Variants in SEMA3G observed in about 807,000 individuals in gnomAD.
SEMA3G encodes semaphorin-3G.
A neutral mutation model predicts 86.2 loss-of-function variants in SEMA3G; 70 were observed. The observed-to-expected ratio is 0.81, with a 90% CI of 0.67 to 0.99. The LOEUF (loss-of-function observed/expected upper bound fraction) is 0.99, where lower values mean the gene tolerates loss of function less well. Ranked by LOEUF, SEMA3G falls within the 50% of genes least tolerant of loss-of-function variation. SEMA3G has a pLI of 0.00. For missense variants in SEMA3G, 1,002 were observed against 1,072.4 expected (o/e 0.93, Z 0.92); for synonymous variants, 416 against 441.4 (o/e 0.94, Z 0.72).
chr3:52,437,944 T>G (rs1260623712), intron 14 of SEMA3G, 27 bp downstream of exon 14: 1 of 1,595,718 alleles, frequency 6.3e-7, no homozygotes, highest in Non-Finnish European at 8.6e-7. Flanking sequence ...CAGCCCAGTC[T>G]GGGCCCTCCC....
chr3:52,438,463 C>A (rs1706089222), intron 13 of SEMA3G: 1 of 985,360 alleles, frequency 1.0e-6, no homozygotes, highest in Non-Finnish European at 1.2e-6. Flanking sequence ...AGGTGCTGAC[C>A]TTTGCCCTCT....
rs1366550239 is a variant in SEMA3G at position 52,442,084 on chromosome 3, C to T, written c.459+101G>A. 1.4e-6 allele frequency: 2 copies of T among 1,480,324 alleles called. No individual in the cohort carries two copies. Among genetic ancestry groups the T allele is most frequent in the Admixed American group, 2.2e-5 (1 of 46,154 alleles). The allele number at this position is 1,480,324 out of a possible 1,614,324, so 91.7% of individuals were successfully genotyped here. On this transcript the variant is annotated intron_variant, in intron 4 of 15. Transcript: ENST00000231721. The surrounding 1 kb of genome is among the most constrained non-coding windows in gnomAD (Gnocchi z 6.1). ...CCAACACAAAGGCGCCTTTCAGGCC[C>T]CTGCCCCTCTGTCCCTACCCAGGCT...
chr3:52,442,504 T>C lies in SEMA3G; in HGVS notation c.339+55A>G. 2.5e-6 allele frequency: 4 copies of C among 1,595,576 alleles called. No individual in the cohort carries two copies. Among genetic ancestry groups the C allele is most frequent in the Non-Finnish European group, 3.4e-6 (4 of 1,163,656 alleles). ...CCTGGGGCGTGGTCACGGATTGTCC[T>C]GGGGGTCAGGGCAGGGTGTCAGGTC... On this transcript the variant is annotated intron_variant, in intron 3 of 15. Coordinates refer to ENST00000231721, the MANE Select transcript of SEMA3G (RefSeq NM_020163.3). This position sits in a 1 kb window ranked among gnomAD's most constrained non-coding sequence, Gnocchi z 6.1.
chr3:52,444,949 C>T lies in SEMA3G; in HGVS notation c.79G>A (p.Gly27Ser), dbSNP rs549971425. The T allele has an allele frequency of 1.7e-5, 22 of 1,301,862 alleles. No individual in the cohort carries two copies. Among genetic ancestry groups the T allele is most frequent in the Middle Eastern group, 2.9e-4 (1 of 3,420 alleles). 80.6% of individuals were successfully genotyped at this position (1,301,862 alleles called of 1,614,324 possible). The change falls in exon 1 of 16, where the codon GGC becomes AGC. Residue 27 changes from glycine to serine, a missense_variant. Transcript: ENST00000231721. ...AGCCGCAGGCGGGGCACACTGGGGCCGGGGCTGGGGCCAGAGCTACCCCCA... is the reference window on the plus strand; with the variant it reads ...AGCCGCAGGCGGGGCACACTGGGGCTGGGGCTGGGGCCAGAGCTACCCCCA... Reference protein sequence around the residue: ...LHGGSSGPSPGPSVPRLRLSY... With the variant: ...LHGGSSGPSPSPSVPRLRLSY...
chr3:52,440,487 G>C lies in SEMA3G; in HGVS notation c.1033C>G (p.His345Asp), dbSNP rs1278140060. The change falls in exon 10 of 16, where the codon CAC (histidine) becomes GAC (aspartate). Residue 345 changes from histidine (H) to aspartate (D), a missense_variant. By Grantham distance (81) the His-to-Asp change is moderately conservative (BLOSUM62 -1). Coordinates refer to ENST00000231721, the MANE Select transcript of SEMA3G (RefSeq NM_020163.3). Reference sequence around the variant, plus strand: ...AAAACCTCCCAGATGTCTGCCATGTGGTACACACAGACGGCGAAGCCCTGG... The same window carrying C: ...AAAACCTCCCAGATGTCTGCCATGTCGTACACACAGACGGCGAAGCCCTGG... ...VFQGFAVCVY[H>D]MADIWEVFNG... 3.1e-6 allele frequency: 5 copies of C among 1,611,862 alleles called. No individual in the cohort carries two copies. The highest frequency in any genetic ancestry group is 1.7e-4 in the Middle Eastern group (1 of 6,058).
Position 52,440,490 on chromosome 3 carries a change from A to G in SEMA3G, c.1030T>C (p.Tyr344His). Residue 344 changes from tyrosine to histidine, a missense_variant, in exon 10 of 16, where the codon TAC (tyrosine) becomes CAC (histidine). By Grantham distance (83) the Tyr-to-His change is moderately conservative. Coordinates refer to ENST00000231721, the MANE Select transcript of SEMA3G (RefSeq NM_020163.3). ...AVFQGFAVCV[Y>H]HMADIWEVFN... ...ACCTCCCAGATGTCTGCCATGTGGT[A>G]CACACAGACGGCGAAGCCCTGGAAC... 1 of 1,611,884 alleles carries G rather than the reference A, an allele frequency of 6.2e-7. No individual in the cohort carries two copies. Among genetic ancestry groups the G allele is most frequent in the Non-Finnish European group, 8.5e-7 (1 of 1,179,534 alleles).
intron 7 of SEMA3G, 92 bp from the exon 8 acceptor site, chr3:52,441,140 T>G: frequency 6.8e-7 from 1 of 1,472,000 alleles, no homozygotes; most frequent in Non-Finnish European, 9.2e-7. Context: ...GGGAGAGGTA[T>G]GCATGTCAGC....
chr3:52,437,936 GC>G, intron 14 of SEMA3G, 34 bp downstream of exon 14: 1 of 1,577,686 alleles, frequency 6.3e-7, no homozygotes, highest in South Asian at 1.1e-5. Context: ...GTGAGTTCCA[GC>G]CCAGTCTGGG....
Position 52,439,712 on chromosome 3 carries a change from C to T in SEMA3G, c.1435G>A (p.Glu479Lys), listed in dbSNP as rs201671398. The change falls in exon 12 of 16, where the codon GAA (glutamate) becomes AAA (lysine). Residue 479 changes from glutamate to lysine, a missense_variant. Coordinates refer to ENST00000231721, the MANE Select transcript of SEMA3G (RefSeq NM_020163.3). Reference sequence around the variant, plus strand: ...ACCTGGAGCTCCTCCAGAACCACTTCCTCAGGTTCAGCTGAGCCCCCTGCC... The same window carrying T: ...ACCTGGAGCTCCTCCAGAACCACTTTCTCAGGTTCAGCTGAGCCCCCTGCC... ...LQAGGSAEPE[E>K]VVLEELQVFK... 776 of 1,613,948 alleles carry T rather than the reference C, an allele frequency of 4.8e-4. 1 individual carries two copies. Among genetic ancestry groups the T allele is most frequent in the Non-Finnish European group, 6.3e-4 (741 of 1,180,030 alleles).
intron 13 of SEMA3G, chr3:52,438,543 C>T (rs541542896): frequency 3.0e-6 from 3 of 985,436 alleles, no homozygotes; most frequent in East Asian, 1.1e-4. Flanking sequence ...AACCCTTGCA[C>T]GAAAGTTAGG....
Position 52,442,709 on chromosome 3 carries a change from T to TTCTCAAA in SEMA3G, c.276+31_276+37dup. ...TGGCCTCCCATCTGGAGGTGCCCAG[T>TTCTCAAA]TCTCAAACAGACCCTCTTCCCTGCC... On this transcript the variant is annotated intron_variant, in intron 2 of 15. Coordinates refer to ENST00000231721, the MANE Select transcript of SEMA3G (RefSeq NM_020163.3). This position sits in a 1 kb window ranked among gnomAD's most constrained non-coding sequence, Gnocchi z 6.1. The TTCTCAAA allele has an allele frequency of 6.2e-7, 1 of 1,613,682 alleles. No individual in the cohort carries two copies. Among genetic ancestry groups the TTCTCAAA allele is most frequent in the East Asian group, 2.2e-5 (1 of 44,868 alleles).
At chr3:52,440,297 G>T in intron 10 of SEMA3G, 80 bp downstream of exon 10, 1 of 1,444,838 alleles carries the variant, frequency 6.9e-7, no homozygotes, top group Non-Finnish European at 9.2e-7. Context: ...GGTGCATGGG[G>T]ACATGAGGCC....
rs1706137823 is a variant in SEMA3G, at chr3:52,440,786, G to A, written c.966C>T (p.Ser322=). The A allele has an allele frequency of 6.2e-7, 1 of 1,612,896 alleles. No homozygotes were observed. Among genetic ancestry groups the A allele is most frequent in the South Asian group, 1.1e-5 (1 of 91,066 alleles). ...VFLLWPKAGK[S]LEVYALFSTV... ...TGCTGAACAGCGCGTACACCTCGAG[G>A]CTCTTCCCGGCCTTGGGCCACAGCA... The change falls in exon 9 of 16, where the codon AGC becomes AGT. Residue 322 remains serine (S), a synonymous_variant. Transcript: ENST00000231721.
chr3:52,442,925 G>C lies in SEMA3G; in HGVS notation c.116-18C>G, dbSNP rs779180968. 2 of 1,576,228 alleles carry C rather than the reference G, an allele frequency of 1.3e-6. No individual in the cohort carries two copies. The highest frequency in any genetic ancestry group is 2.7e-5 in the African/African-American group (2 of 73,932). ...CAGGAGGTCTAGGAGGATGTATGGGGAGGCAGATCAGGGCCACAGCTCAGC... is the reference window on the plus strand; with the variant it reads ...CAGGAGGTCTAGGAGGATGTATGGGCAGGCAGATCAGGGCCACAGCTCAGC... On this transcript the variant is annotated intron_variant, in intron 1 of 15. Coordinates refer to ENST00000231721, the MANE Select transcript of SEMA3G (RefSeq NM_020163.3). The surrounding 1 kb of genome is among the most constrained non-coding windows in gnomAD (Gnocchi z 6.1).
chr3:52,440,668 GAGAGTC>G, intron 9 of SEMA3G, 80 bp downstream of exon 9: 1 of 1,471,068 alleles, frequency 6.8e-7, no homozygotes, highest in Non-Finnish European at 9.3e-7. Context: ...AAGGCAAAGA[GAGAGTC>G]AGAGAGTACA....
At chr3:52,444,577 A>G (rs1217999528) in intron 1 of SEMA3G, among the ~76,000 whole-genome samples, 1 of 145,992 alleles carries the variant, frequency 6.8e-6, no homozygotes, top group Non-Finnish European at 1.5e-5. Context: ...GCACACAAAC[A>G]CTGCACACGC....
At position 52,445,011 on chromosome 3, in the gene SEMA3G, C is replaced by G. The variant is rs1284325490; in HGVS notation, c.17G>C (p.Trp6Ser). The G allele has an allele frequency of 1.6e-6, 2 of 1,286,134 alleles. No homozygotes were observed. The highest frequency in any genetic ancestry group is 1.5e-5 in the African/African-American group (1 of 64,770). 79.7% of individuals were successfully genotyped at this position (1,286,134 alleles called of 1,614,324 possible). A position where few individuals can be genotyped will look rare whatever the true frequency, so the allele number is the denominator to read the frequency against. MAPSA[W>S]AICWLLGGLL... ...GCCCCCTAGCAGCCAGCAAATGGCC[C>G]AGGCCGAGGGGGCCATGCTGGGGAA... The change falls in exon 1 of 16, where the codon TGG becomes TCG. Residue 6 changes from tryptophan to serine, a missense_variant. Trp to Ser is a radical substitution (Grantham distance 177, BLOSUM62 -3). Transcript: ENST00000231721.
chr3:52,441,522 T>C (rs1706154519), intron 6 of SEMA3G, 52 bp downstream of exon 6: 1 of 1,584,048 alleles, frequency 6.3e-7, no homozygotes, highest in Non-Finnish European at 8.7e-7. Context: ...GCTGGTGTCC[T>C]AGCTGGGAAG....
rs955621348 is a variant in SEMA3G, at chr3:52,444,902, G to A, written c.115+11C>T. ...CACATGCACACAAACAGGGCACGCA[G>A]GGGCTGGTACCTCGGTAGGAGAGCC... is the stretch of plus-strand genomic sequence containing the variant. On this transcript the variant is annotated intron_variant, in intron 1 of 15. Transcript: ENST00000231721. The A allele has an allele frequency of 1.2e-5, 16 of 1,304,332 alleles. No homozygotes were observed. In the South Asian group the frequency reaches 4.0e-4, roughly 33 times the overall value. The allele number at this position is 1,304,332 out of a possible 1,614,324, so 80.8% of individuals were successfully genotyped here.
Sources: gnomAD v4.1 joint callset for allele counts (sites outside exome capture counted in the v4.1 genomes callset) on GRCh38, gnomAD v4.1.1 for gene constraint, Gnocchi (gnomAD v3.1) non-coding constraint, MANE v1.5 for transcripts, NCBI Gene and HGNC (gene_info 2026-07-23, HGNC 2026-07-21) for gene names.